Variants in ADAM22 observed in about 807,000 individuals in gnomAD.
ADAM22 encodes ADAM metallopeptidase domain 22.
Under a neutral mutation model 144.6 loss-of-function variants are expected in ADAM22, and 65 were observed. The observed-to-expected ratio is 0.45, with a 90% CI of 0.37 to 0.55. The LOEUF (loss-of-function observed/expected upper bound fraction) is 0.55, where lower values mean the gene tolerates loss of function less well. Among genes scored for constraint, ADAM22 ranks in the 20% least tolerant of loss-of-function variants. The pLI is 0.00. For missense variants in ADAM22, 974 were observed against 1,184.9 expected (o/e 0.82, Z 2.61); for synonymous variants, 391 against 412.6 (o/e 0.95, Z 0.63).
At chr7:88,106,310 T>C (rs1176807198) in intron 4 of ADAM22, among the ~76,000 whole-genome samples, 2 of 152,172 alleles carry the variant, frequency 1.3e-5, no homozygotes, top group East Asian at 1.9e-4. Flanking sequence ...CAGGATTGCA[T>C]TGTGTACCAT....
At chr7:88,151,417 G>T in intron 20 of ADAM22, 97 bp downstream of exon 20, 3 of 1,357,338 alleles carry the variant, frequency 2.2e-6, no homozygotes, top group South Asian at 1.2e-5. Context: ...ACTACTTTAT[G>T]ACTGGGGGAT....
chr7:87,958,036 T>A (rs1188630601), intron 2 of ADAM22, among the ~76,000 whole-genome samples: 1 of 152,224 alleles, frequency 6.6e-6, no homozygotes, highest in Non-Finnish European at 1.5e-5. Context: ...GTAAAAGAAT[T>A]AAATTCATTT....
Position 88,136,005 on chromosome 7 carries a change from G to A in ADAM22, c.1194G>A (p.Trp398Ter). The part of the protein sequence containing the change: ...ASGECKCEDT[W>*]SGCIMGDTGY... ...GTGAATGTAAATGCGAGGACACGTG[G>A]TCCGGGTGCATAATGGGAGACACTG... Residue 398 changes from tryptophan to a stop codon, truncating the protein, a stop_gained, in exon 14 of 32, where the codon TGG becomes TGA. Coordinates refer to ENST00000413139, the MANE Select transcript of ADAM22 (RefSeq NM_001324418.2). LOFTEE classifies it high-confidence loss of function. 1 of 1,612,146 alleles carries A rather than the reference G, an allele frequency of 6.2e-7. No individual in the cohort carries two copies.
chr7:87,958,831 A>G (rs527415855), intron 2 of ADAM22, among the ~76,000 whole-genome samples: 3 of 152,176 alleles, frequency 2.0e-5, no homozygotes, highest in East Asian at 1.9e-4. Flanking sequence ...CCATTTTTCA[A>G]TTGAAATTTT....
chr7:88,093,476 A>G (rs937695882), intron 4 of ADAM22, among the ~76,000 whole-genome samples: 65 of 152,244 alleles, frequency 4.3e-4, no homozygotes, highest in African/African-American at 1.5e-3. Context: ...TTTTTGAAGG[A>G]GGATAATTGA....
At chr7:88,187,750 C>T (rs937777593) in intron 30 of ADAM22, among the ~76,000 whole-genome samples, 1 of 152,140 alleles carries the variant, frequency 6.6e-6, no homozygotes. Context: ...ACTCTCAGCA[C>T]CCGTATAAGG....
intron 30 of ADAM22, among the ~76,000 whole-genome samples, chr7:88,192,421 CA>C (rs1241989318): frequency 6.6e-6 from 1 of 152,130 alleles, no homozygotes; most frequent in Non-Finnish European, 1.5e-5. Flanking sequence ...ACTACACATG[CA>C]AAATCAATCA....
chr7:87,985,701 A>G (rs1161091745), intron 3 of ADAM22, among the ~76,000 whole-genome samples: 1 of 152,158 alleles, frequency 6.6e-6, no homozygotes, highest in South Asian at 2.1e-4. Flanking sequence ...GTGACTATCC[A>G]TTCACCCGAT....
chr7:88,023,729 A>C (rs930125033), intron 3 of ADAM22, among the ~76,000 whole-genome samples: 2 of 152,190 alleles, frequency 1.3e-5, no homozygotes, highest in African/African-American at 4.8e-5. Flanking sequence ...ATATACAATT[A>C]AATTGTTATT....
chr7:88,115,289 C>T (rs985594005), intron 6 of ADAM22, among the ~76,000 whole-genome samples: 6 of 152,202 alleles, frequency 3.9e-5, no homozygotes, highest in African/African-American at 1.4e-4. Context: ...TAATACTTTC[C>T]CTTTGAGGTG....
intron 2 of ADAM22, among the ~76,000 whole-genome samples, chr7:87,952,181 G>T (rs1845406581): frequency 6.6e-6 from 1 of 151,892 alleles, no homozygotes; most frequent in South Asian, 2.1e-4. Context: ...ACACTATGTT[G>T]AATAGGAGTG....
chr7:88,122,725 A>T (rs1230668157), intron 7 of ADAM22, among the ~76,000 whole-genome samples: 2 of 152,194 alleles, frequency 1.3e-5, no homozygotes, highest in Non-Finnish European at 2.9e-5. Context: ...AGCTATAGAC[A>T]TTCCCTTACA....
chr7:88,193,755 T>G (rs1850108252), intron 31 of ADAM22, among the ~76,000 whole-genome samples: 1 of 152,176 alleles, frequency 6.6e-6, no homozygotes, highest in Admixed American at 6.5e-5. Context: ...TGCAAAAAAA[T>G]AAAATAAAGC....
At chr7:88,185,047 C>T (rs1446113464) in intron 29 of ADAM22, among the ~76,000 whole-genome samples, 2 of 152,232 alleles carry the variant, frequency 1.3e-5, no homozygotes, top group Non-Finnish European at 2.9e-5. Context: ...CGGTTTTCCC[C>T]AGGCCGGAGC....
chr7:87,936,865 T>TAC (rs1469220112), intron 2 of ADAM22, among the ~76,000 whole-genome samples: 1 of 150,218 alleles, frequency 6.7e-6, no homozygotes, highest in Non-Finnish European at 1.5e-5. Flanking sequence ...ATTATATATA[T>TAC]ATATATAGAG....
chr7:88,028,000 GCCTCGAACT>G (rs1799414724), intron 3 of ADAM22, among the ~76,000 whole-genome samples: 1 of 152,060 alleles, frequency 6.6e-6, no homozygotes, highest in Non-Finnish European at 1.5e-5. Context: ...ATGTTGGCTG[GCCTCGAACT>G]CCTGACCTCA....
chr7:87,951,663 C>T (rs371019081), intron 2 of ADAM22, among the ~76,000 whole-genome samples: 12 of 82,362 alleles, frequency 1.5e-4, no homozygotes, highest in South Asian at 3.5e-4. Flanking sequence ...AGTAGTTTTT[C>T]CCAATTCTGT....
At chr7:88,021,463 G>C (rs763965773) in intron 3 of ADAM22, among the ~76,000 whole-genome samples, 5 of 152,156 alleles carry the variant, frequency 3.3e-5, no homozygotes, top group African/African-American at 4.8e-5. Flanking sequence ...CACATATCCT[G>C]TTTCTGAATT....
intron 3 of ADAM22, among the ~76,000 whole-genome samples, chr7:88,024,806 G>C (rs527740031): frequency 1.2e-3 from 187 of 150,726 alleles, no homozygotes; most frequent in African/African-American, 4.3e-3. Context: ...GCAGTGTTTG[G>C]TTTTTTGTCC....
Sources: allele counts gnomAD v4.1 joint callset (sites outside exome capture counted in the v4.1 genomes callset), GRCh38; gene constraint gnomAD v4.1.1; transcripts MANE v1.5; gene names NCBI Gene and HGNC (gene_info 2026-07-23, HGNC 2026-07-21).